CEP78: variants seen among roughly 807,000 people sequenced by gnomAD.
CEP78 encodes the protein centrosomal protein of 78 kDa.
A neutral mutation model predicts 81.2 loss-of-function variants in CEP78; 76 were observed. The ratio of observed to expected loss-of-function variants is 0.94; its 90% confidence interval spans 0.78 to 1.13. CEP78 has a LOEUF of 1.13. Among genes scored for constraint, CEP78 ranks in the 50% most tolerant of loss-of-function variants. The pLI is 0.00. For missense variants in CEP78, 918 were observed against 846.8 expected, an observed-to-expected ratio of 1.08 and a Z score of -1.04; for synonymous variants, 293 against 301.4, an observed-to-expected ratio of 0.97 and a Z score of 0.29.
intron 1 of CEP78, among the ~76,000 whole-genome samples, chr9:78,239,670 G>C (rs1826126350): frequency 6.6e-6 from 1 of 152,124 alleles, no homozygotes; most frequent in Non-Finnish European, 1.5e-5. Flanking sequence ...GCTTTAGTCG[G>C]ATCCACCTGC....
chr9:78,276,027 C>G lies in CEP78; in HGVS notation c.*5176C>G, dbSNP rs367744345. On this transcript the variant is annotated 3_prime_UTR_variant, in exon 17 of 17. Transcript: ENST00000643273. ...AGGATAGAAAAGAGATGTAAGGCTC[C>G]CTAATTCATTCCATACGGTTAGCGT... 1.2e-4 allele frequency: 18 copies of G among 152,140 alleles called. No individual in the cohort carries two copies. The highest frequency in any genetic ancestry group is 8.8e-5 in the Non-Finnish European group (6 of 68,028). The allele number at this position is 152,140 out of a possible 1,614,324, so 9.4% of individuals were successfully genotyped here.
rs17064247 is a variant in CEP78 at position 78,243,456 on chromosome 9, T to C, written c.604-6T>C. ...GTATTAATTTCATCTTATTAAATCT[T>C]TGAAGTATCAGACCATGAGAAGGCA... On this transcript the variant is annotated splice_region_variant and splice_polypyrimidine_tract_variant and intron_variant, in intron 4 of 16. Transcript: ENST00000643273. 2 of 1,608,804 alleles carry C rather than the reference T, an allele frequency of 1.2e-6. No individual in the cohort carries two copies. Among genetic ancestry groups the C allele is most frequent in the East Asian group, 2.2e-5 (1 of 44,804 alleles).
At chr9:78,242,296 T>C (rs1226489958) in intron 4 of CEP78, among the ~76,000 whole-genome samples, 2 of 152,178 alleles carry the variant, frequency 1.3e-5, no homozygotes, top group Admixed American at 6.5e-5. Flanking sequence ...AGTTGAGTAG[T>C]TGCAAAAGAA....
intron 10 of CEP78, chr9:78,254,014 G>A (rs962698200): frequency 6.6e-6 from 1 of 152,028 alleles, no homozygotes; most frequent in African/African-American, 2.4e-5. Context: ...TATGTATCCC[G>A]GCACTTTTCT....
chr9:78,241,381 A>T (rs1030570748), intron 3 of CEP78, among the ~76,000 whole-genome samples: 5 of 150,996 alleles, frequency 3.3e-5, no homozygotes, highest in Middle Eastern at 3.2e-3. Context: ...GAAGAGTTTT[A>T]TTTTTTTTAT....
chr9:78,236,424 T>G lies in CEP78; in HGVS notation c.74T>G (p.Leu25Arg). The G allele has an allele frequency of 6.2e-7, 1 of 1,601,608 alleles. No individual in the cohort carries two copies. Among genetic ancestry groups the G allele is most frequent in the East Asian group, 2.3e-5 (1 of 44,362 alleles). The change falls in exon 1 of 17, where the codon CTG (leucine) becomes CGG (arginine). Residue 25 changes from leucine to arginine, a missense_variant. Coordinates refer to ENST00000643273, the MANE Select transcript of CEP78 (RefSeq NM_001330691.3). Reference protein sequence around the residue: ...FFSHYEYLCALQNSVPLPAVR... With the variant: ...FFSHYEYLCARQNSVPLPAVR... Reference sequence around the variant, plus strand: ...TCCCACTACGAGTACCTGTGCGCGCTGCAGAACTCGGTGCCGCTGCCCGCC... The same window carrying G: ...TCCCACTACGAGTACCTGTGCGCGCGGCAGAACTCGGTGCCGCTGCCCGCC...
At chr9:78,252,596 AAATG>A (rs1826818747) in intron 9 of CEP78, among the ~76,000 whole-genome samples, 1 of 152,234 alleles carries the variant, frequency 6.6e-6, no homozygotes, top group Non-Finnish European at 1.5e-5. Flanking sequence ...TATGCTTAAT[AAATG>A]AATTAGATTA....
chr9:78,241,810 G>A lies in CEP78; in HGVS notation c.603+11G>A, dbSNP rs1052404112. The A allele has an allele frequency of 1.4e-6, 2 of 1,409,586 alleles. No homozygotes were observed. 87.3% of individuals were successfully genotyped at this position (1,409,586 alleles called of 1,614,324 possible). On this transcript the variant is annotated intron_variant, in intron 4 of 16. Transcript: ENST00000643273. ...GCCAAGATCTTAAAGGTAACTTTAT[G>A]TTCCAACTTTCATGAAAATGTGTTA...
chr9:78,267,927 G>A (rs1280759445), intron 16 of CEP78, among the ~76,000 whole-genome samples: 1 of 152,058 alleles, frequency 6.6e-6, no homozygotes. Flanking sequence ...TTGCCTGATT[G>A]TTATCAAAAG....
chr9:78,236,766 C>T (rs561285490), intron 1 of CEP78, 163 bp downstream of exon 1: 3 of 828,250 alleles, frequency 3.6e-6, no homozygotes, highest in Non-Finnish European at 3.5e-6. Context: ...TCAGTGTGCT[C>T]ATCCGTAACA....
chr9:78,250,505 G>A (rs960981889), intron 8 of CEP78: 18 of 251,514 alleles, frequency 7.2e-5, no homozygotes, highest in African/African-American at 3.6e-4. Flanking sequence ...TTGGGAGGCC[G>A]AGGCGGGTGG....
rs1444443656 is a variant in CEP78, at chr9:78,271,543, A to G, written c.*692A>G. On this transcript the variant is annotated 3_prime_UTR_variant, in exon 17 of 17. Transcript: ENST00000643273. The stretch of plus-strand genomic sequence containing the variant: ...AACTGAAACACTCAGAAGATGGACT[A>G]CACAGCAGAATGGATTCATTTGAAG... 2.6e-5 allele frequency: 4 copies of G among 152,246 alleles called. No homozygotes were observed. Among genetic ancestry groups the G allele is most frequent in the African/African-American group, 7.2e-5 (3 of 41,472 alleles). 9.4% of individuals were successfully genotyped at this position (152,246 alleles called of 1,614,324 possible).
Position 78,236,507 on chromosome 9 carries a change from G to C in CEP78, c.157G>C (p.Val53Leu). The change falls in exon 1 of 17, where the codon GTG becomes CTG. Residue 53 changes from valine to leucine, a missense_variant. Val to Leu is a conservative substitution (Grantham distance 32). Transcript: ENST00000643273. ...TTTCAACGCCGACCGCCTCCGCGGGGTGGACTGGGCGCCTCTGCTGAGCAC... is the reference window on the plus strand; with the variant it reads ...TTTCAACGCCGACCGCCTCCGCGGGCTGGACTGGGCGCCTCTGCTGAGCAC... ...LDFNADRLRG[V>L]DWAPLLSTLK... 6.2e-7 allele frequency: 1 copy of C among 1,607,084 alleles called. No homozygotes were observed. The highest frequency in any genetic ancestry group is 8.5e-7 in the Non-Finnish European group (1 of 1,176,804).
At position 78,236,456 on chromosome 9, in the gene CEP78, G is replaced by A. The variant is rs778003732; in HGVS notation, c.106G>A (p.Ala36Thr). ...QNSVPLPAVRACLREGVLDFN... is the reference protein window; with the variant it reads ...QNSVPLPAVRTCLREGVLDFN... ...CTCGGTGCCGCTGCCCGCCGTGCGC[G>A]CCTGTCTCCGGGAGGGCGTGCTGGA... Residue 36 changes from alanine to threonine, a missense_variant, in exon 1 of 17, where the codon GCC becomes ACC. Ala to Thr is a moderately conservative substitution (Grantham distance 58). Coordinates refer to ENST00000643273, the MANE Select transcript of CEP78 (RefSeq NM_001330691.3). 5 of 1,605,400 alleles carry A rather than the reference G, an allele frequency of 3.1e-6. No homozygotes were observed. In the South Asian group the frequency reaches 3.4e-5, roughly 11 times the overall value.
chr9:78,279,115 C>G lies in CEP78; in HGVS notation c.*8264C>G, dbSNP rs1489245184. 1 of 150,160 alleles carries G rather than the reference C, an allele frequency of 6.7e-6. No individual in the cohort carries two copies. The highest frequency in any genetic ancestry group is 1.5e-5 in the Non-Finnish European group (1 of 67,860). The allele number at this position is 150,160 out of a possible 1,614,324, so 9.3% of individuals were successfully genotyped here. On this transcript the variant is annotated 3_prime_UTR_variant, in exon 17 of 17. Coordinates refer to ENST00000643273, the MANE Select transcript of CEP78 (RefSeq NM_001330691.3). ...GGTAGTTTAGAAATAGATAAGGACC[C>G]ACTTATAGATTAAATAATAATTAGC...
intron 7 of CEP78, 52 bp downstream of exon 7, chr9:78,248,407 T>C (rs1826598957): frequency 8.4e-7 from 1 of 1,183,698 alleles, no homozygotes; most frequent in Non-Finnish European, 1.3e-6. Context: ...TTGCTTTTCT[T>C]CTGGGATCTC....
Position 78,262,888 on chromosome 9 carries a change from CT to C in CEP78, c.1381-16del, listed in dbSNP as rs745430134. 19 of 1,388,792 alleles carry C rather than the reference CT, an allele frequency of 1.4e-5. No homozygotes were observed. In the South Asian group the frequency reaches 2.5e-4, roughly 19 times the overall value. The allele number at this position is 1,388,792 out of a possible 1,614,324, so 86.0% of individuals were successfully genotyped here. A position where few individuals can be genotyped will look rare whatever the true frequency, so the allele number is the denominator to read the frequency against. On this transcript the variant is annotated intron_variant, in intron 11 of 16. Transcript: ENST00000643273. ...TATTGGGAATTAATTATAATATTTA[CT>C]TTATTACTTAATACTAGGAAAAACT...
chr9:78,236,317 C>G lies in CEP78; in HGVS notation c.-34C>G, dbSNP rs770049121. 2.0e-5 allele frequency: 31 copies of G among 1,535,274 alleles called. No homozygotes were observed. The highest frequency in any genetic ancestry group is 1.2e-4 in the Admixed American group (6 of 51,354). ...CTTGGGTGGGCGCGGGCGGCGTCTCCGCGGCGGGCATCCCCCGAGGCCGCC... is the reference window on the plus strand; with the variant it reads ...CTTGGGTGGGCGCGGGCGGCGTCTCGGCGGCGGGCATCCCCCGAGGCCGCC... On this transcript the variant is annotated 5_prime_UTR_variant, in exon 1 of 17. Transcript: ENST00000643273.
Position 78,251,911 on chromosome 9 carries a change from T to C in CEP78, c.1073T>C (p.Leu358Ser). ...CTTTTTAACACTTCTCAAGTAGGAT[T>C]GGCTACAAAGAAACCTGTAAGTAGT... ...HKGKATIRIG[L>S]ATKKPVSSGR... Residue 358 changes from leucine to serine, a missense_variant, in exon 9 of 17, where the codon TTG becomes TCG. Physicochemically the swap from Leu to Ser is moderately radical, Grantham distance 145 (BLOSUM62 -2). Transcript: ENST00000643273. The C allele has an allele frequency of 6.2e-7, 1 of 1,605,374 alleles. No homozygotes were observed. The highest frequency in any genetic ancestry group is 8.5e-7 in the Non-Finnish European group (1 of 1,173,844).
Sources: allele counts gnomAD v4.1 joint callset (sites outside exome capture counted in the v4.1 genomes callset), GRCh38; gene constraint gnomAD v4.1.1; transcripts MANE v1.5; gene names NCBI Gene and HGNC (gene_info 2026-07-23, HGNC 2026-07-21).